SPRED2: variants seen among roughly 807,000 people sequenced by gnomAD.
The protein encoded by SPRED2 is sprouty related EVH1 domain containing 2.
In SPRED2, 47 loss-of-function variants were observed where a neutral mutation model predicts 43.0. The observed-to-expected ratio is 1.09, with a 90% confidence interval of 0.87 to 1.40. SPRED2 has a LOEUF of 1.40. Among genes scored for constraint, SPRED2 ranks in the 40% most tolerant of loss-of-function variants. The pLI, the probability that SPRED2 is intolerant of heterozygous loss-of-function variation, is 0.00. For synonymous variants in SPRED2, 225 were observed against 225.7 expected (o/e 1.00, Z 0.03); for missense variants, 561 against 586.4 (o/e 0.96, Z 0.45).
intron 1 of SPRED2, among the ~76,000 whole-genome samples, chr2:65,407,664 A>G (rs139226404): frequency 5.9e-5 from 9 of 151,750 alleles, no homozygotes; most frequent in Non-Finnish European, 1.3e-4. Flanking sequence ...CAAAAGATCA[A>G]CTCTCCTCAG....
intron 1 of SPRED2, among the ~76,000 whole-genome samples, chr2:65,418,602 G>A (rs945213240): frequency 2.0e-5 from 3 of 151,578 alleles, no homozygotes; most frequent in Non-Finnish European, 4.4e-5. Context: ...TGCCCGGGCT[G>A]GAGCATACTG....
intron 1 of SPRED2, among the ~76,000 whole-genome samples, chr2:65,346,594 C>T (rs1405290885): frequency 2.0e-5 from 3 of 152,100 alleles, no homozygotes; most frequent in African/African-American, 7.2e-5. Flanking sequence ...ACTCTAGGTA[C>T]CTCATATAAG....
At chr2:65,326,637 TG>T (rs1673628003) in intron 4 of SPRED2, among the ~76,000 whole-genome samples, 1 of 152,064 alleles carries the variant, frequency 6.6e-6, no homozygotes, top group Non-Finnish European at 1.5e-5. Flanking sequence ...ATTCTTTCAT[TG>T]TGAAATTAAC....
chr2:65,432,003 G>C lies in SPRED2; in HGVS notation c.-16C>G, dbSNP rs372546778. 1.2e-6 allele frequency: 2 copies of C among 1,613,800 alleles called. No homozygotes were observed. The highest frequency in any genetic ancestry group is 1.7e-5 in the Admixed American group (1 of 60,006). On this transcript the variant is annotated 5_prime_UTR_variant, in exon 1 of 6. Transcript: ENST00000356388. ...CTTCGGTCATTTTCTTGTTCACCTAGACGCCTGTCCCGCGGCGGGCAGCTT... is the reference window on the plus strand; with the variant it reads ...CTTCGGTCATTTTCTTGTTCACCTACACGCCTGTCCCGCGGCGGGCAGCTT...
At chr2:65,372,036 G>A (rs1356207246) in intron 1 of SPRED2, among the ~76,000 whole-genome samples, 1 of 151,996 alleles carries the variant, frequency 6.6e-6, no homozygotes, top group Non-Finnish European at 1.5e-5. Context: ...TCGCACCACT[G>A]CACTCCTGCC....
Position 65,401,415 on chromosome 2 carries a change from A to G in SPRED2, c.26+30547T>C, listed in dbSNP as rs536471952. 7.9e-5 allele frequency among the ~76,000 whole-genome samples: 12 copies of G among 152,272 alleles called. No individual in the cohort carries two copies. In the East Asian group the frequency reaches 2.3e-3, roughly 29 times the overall value. ...CTCACATGCATATCAAATGTTTACA[A>G]ACAGATTTACAGTTAGTTGCCATGT... On this transcript the variant is annotated intron_variant, in intron 1 of 5. Coordinates refer to ENST00000356388, the MANE Select transcript of SPRED2 (RefSeq NM_181784.3).
chr2:65,379,053 G>C (rs1307014814), intron 1 of SPRED2, among the ~76,000 whole-genome samples: 1 of 152,148 alleles, frequency 6.6e-6, no homozygotes, highest in Non-Finnish European at 1.5e-5. Flanking sequence ...TCCAGGCTGA[G>C]CATCCCTACA....
intron 1 of SPRED2, among the ~76,000 whole-genome samples, chr2:65,396,869 A>G (rs576733690): frequency 1.2e-4 from 19 of 152,326 alleles, no homozygotes; most frequent in African/African-American, 4.6e-4. Context: ...ATGCACTTGA[A>G]AAATTAGATC....
intron 4 of SPRED2, among the ~76,000 whole-genome samples, chr2:65,326,260 C>T (rs1176431834): frequency 6.6e-6 from 1 of 152,114 alleles, no homozygotes; most frequent in East Asian, 1.9e-4. Context: ...TTAACCTCAG[C>T]CTGAGAGTGT....
intron 1 of SPRED2, among the ~76,000 whole-genome samples, chr2:65,387,357 G>C (rs545141341): frequency 6.6e-6 from 1 of 152,300 alleles, no homozygotes; most frequent in Non-Finnish European, 1.5e-5. Context: ...TATTCACAGA[G>C]GTGTCTTGTT....
At chr2:65,381,723 C>T (rs189499634) in intron 1 of SPRED2, among the ~76,000 whole-genome samples, 7 of 152,314 alleles carry the variant, frequency 4.6e-5, no homozygotes, top group East Asian at 1.9e-4. Flanking sequence ...CCCTCAGCCC[C>T]GGTCCCTGAG....
At chr2:65,327,720 T>C (rs1259039514) in intron 4 of SPRED2, among the ~76,000 whole-genome samples, 9 of 114,290 alleles carry the variant, frequency 7.9e-5, no homozygotes, top group Middle Eastern at 4.1e-3. Context: ...TTTCTTTTTT[T>C]TTTTTTTTTT....
intron 1 of SPRED2, among the ~76,000 whole-genome samples, chr2:65,416,921 T>C (rs1464370163): frequency 6.6e-6 from 1 of 152,198 alleles, no homozygotes; most frequent in Non-Finnish European, 1.5e-5. Context: ...TAACCTATGG[T>C]GCAGTGGCCT....
At chr2:65,353,070 T>A (rs1674555576) in intron 1 of SPRED2, among the ~76,000 whole-genome samples, 1 of 152,162 alleles carries the variant, frequency 6.6e-6, no homozygotes, top group South Asian at 2.1e-4. Context: ...GTCTTTGCTT[T>A]ACAATGACTG....
In SPRED2 at chr2:65,313,803, C is replaced by T. The variant is rs747453277; in HGVS notation, c.955G>A (p.Glu319Lys). Residue 319 changes from glutamate to lysine, a missense_variant, in exon 6 of 6, where the codon GAG (glutamate) becomes AAG (lysine). Glu to Lys is a moderately conservative substitution (Grantham distance 56, BLOSUM62 1). This residue lies in a region of SPRED2 where 164 missense variants were observed against 164.1 expected (regional missense o/e 1.00). Transcript: ENST00000356388. ...TGGCAGTGGCCCCGGCGGTTCTCCTCGTGGTTGAACATGTCCCTGCAGTAC... is the reference window on the plus strand; with the variant it reads ...TGGCAGTGGCCCCGGCGGTTCTCCTTGTGGTTGAACATGTCCCTGCAGTAC... The part of the protein sequence containing the change: ...CVYCRDMFNH[E>K]ENRRGHCQDA... The T allele has an allele frequency of 2.5e-6, 4 of 1,613,992 alleles. No homozygotes were observed. The highest frequency in any genetic ancestry group is 2.7e-5 in the African/African-American group (2 of 75,050).
Position 65,334,593 on chromosome 2 carries a change from C to T in SPRED2, c.373+12G>A. 5.0e-6 allele frequency: 8 copies of T among 1,612,164 alleles called. No homozygotes were observed. The highest frequency in any genetic ancestry group is 6.8e-6 in the Non-Finnish European group (8 of 1,178,636). On this transcript the variant is annotated intron_variant, in intron 3 of 5. Transcript: ENST00000356388. Reference sequence around the variant, plus strand: ...CATAGTCCCACTAAGAATGCAGCGACAAGTTCAATACCTTCTATAAGGTCT... The same window carrying T: ...CATAGTCCCACTAAGAATGCAGCGATAAGTTCAATACCTTCTATAAGGTCT...
chr2:65,349,978 C>T (rs78862378), intron 1 of SPRED2, among the ~76,000 whole-genome samples: 6 of 152,242 alleles, frequency 3.9e-5, no homozygotes, highest in African/African-American at 9.6e-5. Context: ...AAGTGCTGGA[C>T]TAAAAGCTGC....
chr2:65,315,697 C>T (rs1435404698), intron 5 of SPRED2, among the ~76,000 whole-genome samples: 3 of 152,232 alleles, frequency 2.0e-5, no homozygotes, highest in African/African-American at 7.2e-5. Flanking sequence ...TGGAGTCTTG[C>T]TCTGTTGCGA....
chr2:65,410,683 C>G (rs369014566), intron 1 of SPRED2, among the ~76,000 whole-genome samples: 1 of 151,322 alleles, frequency 6.6e-6, no homozygotes, highest in African/African-American at 2.4e-5. Context: ...GGCGTGAACC[C>G]GCGAGGCGGA....
Sources: gnomAD v4.1 joint callset for allele counts (sites outside exome capture counted in the v4.1 genomes callset) on GRCh38, gnomAD v4.1.1 for gene constraint, gnomAD v4.1.1 regional missense constraint, MANE v1.5 for transcripts, NCBI Gene and HGNC (gene_info 2026-07-23, HGNC 2026-07-21) for gene names.